The following CCDC73 variants were observed in gnomAD, a reference collection of about 807,000 sequenced individuals.
CCDC73 encodes the protein coiled-coil domain-containing protein 73.
Under a neutral mutation model 116.5 loss-of-function variants are expected in CCDC73, and 95 were observed. The observed-to-expected ratio is 0.82, with a 90% confidence interval of 0.69 to 0.97. The LOEUF is 0.97. Ranked by LOEUF, CCDC73 falls within the 50% of genes least tolerant of loss-of-function variation. The pLI is 0.00. For synonymous variants in CCDC73, 398 were observed against 401.3 expected (o/e 0.99, Z 0.10); for missense variants, 1,066 against 1,206.8 (o/e 0.88, Z 1.73).
chr11:32,779,627 AGTTCCCATTTAGGCCTACT>A (rs1486391818), intron 1 of CCDC73, among the ~76,000 whole-genome samples: 1 of 152,172 alleles, frequency 6.6e-6, no homozygotes, highest in East Asian at 1.9e-4. Flanking sequence ...AGAGTCCTAA[AGTTCCCATTTAGGCCTACT>A]TGGATTACCT....
chr11:32,755,631 CCA>C lies in CCDC73; in HGVS notation c.135+4476_135+4477del, dbSNP rs1565094167. The stretch of plus-strand genomic sequence containing the variant: ...TATATGTGTGTGTATATATATATCT[CCA>C]TATATATGTGTATATATATATCTCC... On this transcript the variant is annotated intron_variant, in intron 2 of 17. Transcript: ENST00000335185. 1.3e-3 allele frequency among the ~76,000 whole-genome samples: 103 copies of C among 81,714 alleles called. 1 individual carries two copies. The highest frequency in any genetic ancestry group is 2.0e-3 in the Non-Finnish European group (82 of 40,916). 53.6% of individuals were successfully genotyped at this position (81,714 alleles called of 152,430 possible). A position where few individuals can be genotyped will look rare whatever the true frequency, so the allele number is the denominator to read the frequency against.
At chr11:32,760,041 T>TA (rs1018382002) in intron 2 of CCDC73, 68 bp downstream of exon 2, 8 of 1,356,162 alleles carry the variant, frequency 5.9e-6, no homozygotes, top group South Asian at 1.3e-5. Context: ...TTTTATTCTT[T>TA]AAAAAACAAT....
chr11:32,641,973 T>A lies in CCDC73; in HGVS notation c.1049A>T (p.His350Leu). 1 of 1,491,648 alleles carries A rather than the reference T, an allele frequency of 6.7e-7. No individual in the cohort carries two copies. The highest frequency in any genetic ancestry group is 1.4e-5 in the African/African-American group (1 of 70,332). The allele number at this position is 1,491,648 out of a possible 1,614,324, so 92.4% of individuals were successfully genotyped here. A position where few individuals can be genotyped will look rare whatever the true frequency, so the allele number is the denominator to read the frequency against. Reference protein sequence around the residue: ...HEKALGTWKRHAEELNGEINK... With the variant: ...HEKALGTWKRLAEELNGEINK... ...TATTTTTCTATTTAATAAACTTACA[T>A]GTCTTTTCCAAGTTCCTAGTGCTTT... The change falls in exon 13 of 18, where the codon CAT (histidine) becomes CTT (leucine). Residue 350 changes from histidine (H) to leucine (L), a missense_variant and splice_region_variant. His to Leu is a moderately conservative substitution (Grantham distance 99, BLOSUM62 -3). Transcript: ENST00000335185.
chr11:32,610,373 A>G (rs1855409811), intron 17 of CCDC73, among the ~76,000 whole-genome samples: 1 of 152,200 alleles, frequency 6.6e-6, no homozygotes. Flanking sequence ...GAGTTATACT[A>G]TCTCACTTGA....
chr11:32,677,732 T>C (rs1219265278), intron 7 of CCDC73, among the ~76,000 whole-genome samples: 1 of 151,754 alleles, frequency 6.6e-6, no homozygotes, highest in Non-Finnish European at 1.5e-5. Context: ...GGCGGGTAGA[T>C]CACAAGGTCA....
chr11:32,650,816 A>G (rs1025917012), intron 12 of CCDC73, among the ~76,000 whole-genome samples: 2 of 152,188 alleles, frequency 1.3e-5, no homozygotes, highest in Non-Finnish European at 2.9e-5. Flanking sequence ...CTCAGGTTCA[A>G]TTTGGTTCCA....
At chr11:32,662,521 G>T (rs1160591297) in intron 9 of CCDC73, among the ~76,000 whole-genome samples, 22 of 151,656 alleles carry the variant, frequency 1.5e-4, no homozygotes, top group Non-Finnish European at 2.7e-4. Flanking sequence ...TGCCCACTTT[G>T]TGATGGGGTT....
intron 7 of CCDC73, among the ~76,000 whole-genome samples, chr11:32,677,685 G>A (rs906858557): frequency 6.6e-6 from 1 of 152,042 alleles, no homozygotes; most frequent in Admixed American, 6.6e-5. Context: ...CAGGCGCAGT[G>A]GCTCACACCT....
intron 6 of CCDC73, among the ~76,000 whole-genome samples, chr11:32,685,505 G>A (rs891258859): frequency 6.6e-6 from 1 of 152,000 alleles, no homozygotes; most frequent in Admixed American, 6.6e-5. Flanking sequence ...GTGGAATAAG[G>A]CCTAGTGTGT....
At chr11:32,776,734 A>G (rs1364187287) in intron 1 of CCDC73, among the ~76,000 whole-genome samples, 1 of 151,682 alleles carries the variant, frequency 6.6e-6, no homozygotes, top group Non-Finnish European at 1.5e-5. Context: ...TGCCTCTCCA[A>G]TGGGATGTTT....
intron 2 of CCDC73, among the ~76,000 whole-genome samples, chr11:32,731,579 A>G (rs1223920352): frequency 1.3e-5 from 2 of 152,140 alleles, no homozygotes; most frequent in South Asian, 2.1e-4. Context: ...CAGAGGAACA[A>G]TCAGGCAGCA....
rs777307481 is a variant in CCDC73, at chr11:32,635,821, G to A, written c.1060C>T (p.Leu354Phe). 7.7e-6 allele frequency: 9 copies of A among 1,175,488 alleles called. No homozygotes were observed. The highest frequency in any genetic ancestry group is 7.7e-6 in the Non-Finnish European group (7 of 914,340). The allele number at this position is 1,175,488 out of a possible 1,614,324, so 72.8% of individuals were successfully genotyped here. A position where few individuals can be genotyped will look rare whatever the true frequency, so the allele number is the denominator to read the frequency against. ...TTAATCTTATTAATTTCTCCATTAAGTTCTTCAGCCTATTATAAAAAAGGA... is the reference window on the plus strand; with the variant it reads ...TTAATCTTATTAATTTCTCCATTAAATTCTTCAGCCTATTATAAAAAAGGA... ...LGTWKRHAEE[L>F]NGEINKIKNE... is the part of the protein sequence containing the mutation. The change falls in exon 14 of 18, where the codon CTT (leucine) becomes TTT (phenylalanine). Residue 354 changes from leucine to phenylalanine, a missense_variant. Transcript: ENST00000335185.
In CCDC73 at chr11:32,725,074, A is replaced by G. The variant is rs372676076; in HGVS notation, c.136-6927T>C. 9.9e-5 allele frequency among the ~76,000 whole-genome samples: 15 copies of G among 152,170 alleles called. No individual in the cohort carries two copies. In the South Asian group the frequency reaches 2.1e-3, roughly 21 times the overall value. On this transcript the variant is annotated intron_variant, in intron 2 of 17. Transcript: ENST00000335185. ...TATCCCCTTACTTTTATTAATTACT[A>G]TACAGTTAAGTAGTGAAATATAGTT...
Position 32,635,741 on chromosome 11 carries a change from G to A in CCDC73, c.1140C>T (p.Asn380=). Residue 380 remains asparagine, a synonymous_variant, in exon 14 of 18, where the codon AAC becomes AAT. Coordinates refer to ENST00000335185, the MANE Select transcript of CCDC73 (RefSeq NM_001008391.4). ...ETHIKLQEHY[N]KLCNQKTFEE... ...CAAATGTTTTTTGATTGCATAATTTGTTATAATGTTCTTGTAACTTAATAT... is the reference window on the plus strand; with the variant it reads ...CAAATGTTTTTTGATTGCATAATTTATTATAATGTTCTTGTAACTTAATAT... 1 of 1,301,402 alleles carries A rather than the reference G, an allele frequency of 7.7e-7. No individual in the cohort carries two copies. Among genetic ancestry groups the A allele is most frequent in the Non-Finnish European group, 9.9e-7 (1 of 1,005,828 alleles). The allele number at this position is 1,301,402 out of a possible 1,614,324, so 80.6% of individuals were successfully genotyped here.
At chr11:32,704,274 A>T (rs1357863257) in intron 3 of CCDC73, among the ~76,000 whole-genome samples, 1 of 152,224 alleles carries the variant, frequency 6.6e-6, no homozygotes, top group African/African-American at 2.4e-5. Context: ...GCTGAAGCTT[A>T]AAGTACCTGT....
intron 1 of CCDC73, among the ~76,000 whole-genome samples, chr11:32,781,860 C>T (rs1850587310): frequency 6.6e-6 from 1 of 152,306 alleles, no homozygotes; most frequent in Non-Finnish European, 1.5e-5. Context: ...ATCCCCCAGG[C>T]CACAAACTGA....
At chr11:32,660,034 G>A (rs923175107) in intron 9 of CCDC73, among the ~76,000 whole-genome samples, 2 of 152,100 alleles carry the variant, frequency 1.3e-5, no homozygotes, top group East Asian at 3.8e-4. Flanking sequence ...ACGGAATGAG[G>A]TGGAATGAAT....
chr11:32,653,100 A>G, intron 12 of CCDC73, 23 bp downstream of exon 12: 1 of 1,344,152 alleles, frequency 7.4e-7, no homozygotes, highest in Non-Finnish European at 1.1e-6. Context: ...AGATAGACAG[A>G]CAGACAGACA....
At chr11:32,736,889 T>C (rs1011456069) in intron 2 of CCDC73, among the ~76,000 whole-genome samples, 2 of 151,610 alleles carry the variant, frequency 1.3e-5, no homozygotes, top group Non-Finnish European at 2.9e-5. Context: ...GAAACCATCA[T>C]TCTCAGCAAA....
Sources: gnomAD v4.1 joint callset for allele counts (sites outside exome capture counted in the v4.1 genomes callset) on GRCh38, gnomAD v4.1.1 for gene constraint, MANE v1.5 for transcripts, NCBI Gene and HGNC (gene_info 2026-07-23, HGNC 2026-07-21) for gene names.